The following LARGE1 variants were observed in gnomAD, a reference collection of about 807,000 sequenced individuals.
LARGE1 encodes LARGE xylosyl- and glucuronyltransferase 1.
Under a neutral mutation model 87.6 loss-of-function variants are expected in LARGE1, and 43 were observed. The ratio of observed to expected loss-of-function variants is 0.49; its 90% CI spans 0.38 to 0.63. The LOEUF is 0.63. Ranked by LOEUF, LARGE1 falls within the 30% of genes least tolerant of loss-of-function variation. The pLI is 0.00. For missense variants in LARGE1, 802 were observed against 1,000.2 expected (o/e 0.80, Z 2.67); for synonymous variants, 434 against 394.6 (o/e 1.10, Z -1.18).
intron 9 of LARGE1, among the ~76,000 whole-genome samples, chr22:33,357,353 C>G (rs5998891): frequency 0.93 from 140,359 of 151,702 alleles, 65,103 homozygotes; most frequent in South Asian, 0.96. Context: ...ACTCTGAAGG[C>G]TGAGAGGGTG....
rs13054551 is a variant in LARGE1 at position 33,633,832 on chromosome 22, G to A, written c.409-7506C>T. On this transcript the variant is annotated intron_variant, in intron 3 of 14. Transcript: ENST00000397394. The stretch of plus-strand genomic sequence containing the variant: ...AGAGGACAGATGCTCTGACAGCTGC[G>A]GAGAAGCGAACAGCCGGGGTCAGAC... Among the ~76,000 whole-genome samples the A allele has an allele frequency of 9.8e-3, 1,487 of 152,316 alleles. 18 individuals carry two copies. Among genetic ancestry groups the A allele is most frequent in the Middle Eastern group, 0.024 (7 of 294 alleles).
chr22:33,476,164 G>C (rs949330023), intron 6 of LARGE1, among the ~76,000 whole-genome samples: 1 of 152,222 alleles, frequency 6.6e-6, no homozygotes, highest in African/African-American at 2.4e-5. Flanking sequence ...ATTGATAGCT[G>C]ATTAGCTGAT....
intron 4 of LARGE1, among the ~76,000 whole-genome samples, chr22:33,623,795 C>T (rs2079832289): frequency 6.6e-6 from 1 of 151,700 alleles, no homozygotes; most frequent in African/African-American, 2.4e-5. Flanking sequence ...CTTTGGGAGG[C>T]CAAGGTGGGT....
downstream of LARGE1, among the ~76,000 whole-genome samples, chr22:33,161,132 G>C (rs775826290): frequency 6.6e-5 from 10 of 152,176 alleles, no homozygotes; most frequent in Non-Finnish European, 1.0e-4. Flanking sequence ...TGCCGAGCAA[G>C]TGGGGAAAAG....
intron 9 of LARGE1, among the ~76,000 whole-genome samples, chr22:33,357,297 TAGTG>T (rs758068671): frequency 4.0e-5 from 6 of 150,952 alleles, no homozygotes; most frequent in Non-Finnish European, 7.4e-5. Context: ...GGGAGCTAAA[TAGTG>T]AGGGCACATG....
intron 6 of LARGE1, among the ~76,000 whole-genome samples, chr22:33,501,922 A>G (rs2148372028): frequency 1.3e-5 from 2 of 152,236 alleles, no homozygotes; most frequent in Admixed American, 1.3e-4. Context: ...GGTGGGCATG[A>G]TGGCTCACGC....
At chr22:33,810,151 C>T (rs2086447281) in intron 1 of LARGE1, among the ~76,000 whole-genome samples, 1 of 152,186 alleles carries the variant, frequency 6.6e-6, no homozygotes, top group African/African-American at 2.4e-5. Flanking sequence ...AACTTTTCAA[C>T]CCATTATCTC....
chr22:33,826,654 T>C (rs1465373390), intron 1 of LARGE1, among the ~76,000 whole-genome samples: 4 of 152,110 alleles, frequency 2.6e-5, no homozygotes, highest in African/African-American at 9.7e-5. Flanking sequence ...CTCCCTCTTA[T>C]AAGGAGACAT....
At chr22:33,517,161 T>G (rs893641196) in intron 6 of LARGE1, among the ~76,000 whole-genome samples, 1 of 152,184 alleles carries the variant, frequency 6.6e-6, no homozygotes, top group African/African-American at 2.4e-5. Context: ...TAACTGATGA[T>G]TCCAGAGCTA....
intron 2 of LARGE1, chr22:33,723,875 A>C (rs960751425): frequency 3.3e-5 from 5 of 152,268 alleles, no homozygotes; most frequent in Non-Finnish European, 4.4e-5. Flanking sequence ...GGTTGCAGCC[A>C]AAACAGGAAA....
At chr22:33,381,858 CT>C in intron 9 of LARGE1, 60 bp downstream of exon 9, 1 of 1,610,142 alleles carries the variant, frequency 6.2e-7, no homozygotes, top group Non-Finnish European at 8.5e-7. Flanking sequence ...ATCCATGCCC[CT>C]GGGAGGTCCT....
At chr22:33,619,580 G>GAA (rs922965307) in intron 4 of LARGE1, among the ~76,000 whole-genome samples, 5 of 147,840 alleles carry the variant, frequency 3.4e-5, no homozygotes, top group African/African-American at 1.2e-4. Flanking sequence ...AAGAAAAAAA[G>GAA]AAAAAAGAAG....
intron 10 of LARGE1, among the ~76,000 whole-genome samples, chr22:33,318,064 G>A (rs947464808): frequency 1.2e-4 from 18 of 151,606 alleles, no homozygotes; most frequent in African/African-American, 3.9e-4. Flanking sequence ...GTGACACCCC[G>A]TCTCTACTAA....
At chr22:33,431,165 G>A (rs1029750842) in intron 7 of LARGE1, among the ~76,000 whole-genome samples, 2 of 152,228 alleles carry the variant, frequency 1.3e-5, no homozygotes, top group Admixed American at 6.5e-5. Context: ...GGATCCAGAA[G>A]CATGTCAAAG....
the LARGE1 span, among the ~76,000 whole-genome samples, chr22:33,149,016 G>T: frequency 4.6e-5 from 7 of 150,616 alleles, no homozygotes; most frequent in Non-Finnish European, 8.9e-5. Context: ...CTGGTTTATG[G>T]CTTCATTTTT....
chr22:33,106,215 A>G, the LARGE1 span, among the ~76,000 whole-genome samples: 1 of 152,216 alleles, frequency 6.6e-6, no homozygotes, highest in East Asian at 1.9e-4. Flanking sequence ...TCTGCTGTCC[A>G]GGCATCTGGG....
At chr22:33,687,673 C>T (rs2081984654) in intron 2 of LARGE1, among the ~76,000 whole-genome samples, 1 of 152,062 alleles carries the variant, frequency 6.6e-6, no homozygotes, top group Non-Finnish European at 1.5e-5. Context: ...ATGTCACGTG[C>T]TAGGGAAAGT....
At chr22:33,906,770 GAC>G (rs2065469155) in intron 1 of LARGE1, among the ~76,000 whole-genome samples, 1 of 152,002 alleles carries the variant, frequency 6.6e-6, no homozygotes, top group South Asian at 2.1e-4. Context: ...GAGATCTCTG[GAC>G]AGGGCTAAGA....
intron 11 of LARGE1, among the ~76,000 whole-genome samples, chr22:33,241,511 GA>G (rs956140126): frequency 5.3e-5 from 8 of 151,088 alleles, no homozygotes; most frequent in African/African-American, 1.9e-4. Flanking sequence ...ATGGATAAAT[GA>G]AAAAAAGTTA....
Sources: allele counts gnomAD v4.1 joint callset (sites outside exome capture counted in the v4.1 genomes callset), GRCh38; gene constraint gnomAD v4.1.1; transcripts MANE v1.5; gene names NCBI Gene and HGNC (gene_info 2026-07-23, HGNC 2026-07-21).